The following SH3RF2 variants were observed in gnomAD, a reference collection of about 807,000 sequenced individuals.
SH3RF2 encodes SH3 domain containing ring finger 2, also known as E3 ubiquitin-protein ligase SH3RF2.
In SH3RF2, 43 loss-of-function variants were observed where a neutral mutation model predicts 59.0. The observed-to-expected ratio is 0.73, with a 90% CI of 0.57 to 0.94. The LOEUF (loss-of-function observed/expected upper bound fraction) is 0.94, where lower values mean the gene tolerates loss of function less well. SH3RF2 is among the 40% of genes least tolerant of loss of function. The pLI is 0.00. For synonymous variants in SH3RF2, 391 were observed against 391.5 expected (o/e 1.00, Z 0.01); for missense variants, 930 against 940.1 (o/e 0.99, Z 0.14).
intron 1 of SH3RF2, 25 bp from the exon 2 acceptor site, chr5:145,937,798 T>C (rs1037649290): frequency 7.5e-5 from 80 of 1,070,018 alleles, no homozygotes; most frequent in South Asian, 5.9e-4. Flanking sequence ...CATTTTTTTT[T>C]CTCTCCTCTC....
At chr5:145,938,714 C>T (rs1757696462) in intron 2 of SH3RF2, among the ~76,000 whole-genome samples, 1 of 152,226 alleles carries the variant, frequency 6.6e-6, no homozygotes, top group Admixed American at 6.5e-5. Context: ...TCAGAAATTT[C>T]CAAATGTCAG....
intron 5 of SH3RF2, among the ~76,000 whole-genome samples, chr5:146,047,053 G>A (rs892047629): frequency 2.0e-5 from 3 of 152,044 alleles, no homozygotes; most frequent in Non-Finnish European, 2.9e-5. Flanking sequence ...CACTGAGCCC[G>A]GCCTTCCAGG....
At chr5:145,943,703 T>A (rs1322384022) in intron 2 of SH3RF2, among the ~76,000 whole-genome samples, 1 of 151,784 alleles carries the variant, frequency 6.6e-6, no homozygotes, top group East Asian at 1.9e-4. Context: ...TTTTTGTTTT[T>A]GTTTTTGTTT....
intron 2 of SH3RF2, among the ~76,000 whole-genome samples, chr5:145,988,356 A>G (rs2149974830): frequency 6.6e-6 from 1 of 151,770 alleles, no homozygotes; most frequent in East Asian, 1.9e-4. Context: ...AATCTCTCTG[A>G]TCAGCCAAAA....
At chr5:146,059,471 T>C (rs1176255730) in intron 8 of SH3RF2, among the ~76,000 whole-genome samples, 1 of 152,172 alleles carries the variant, frequency 6.6e-6, no homozygotes, top group Non-Finnish European at 1.5e-5. Flanking sequence ...TTCTATTTCC[T>C]ATCTCTGATT....
chr5:145,952,961 A>G (rs1191043754), intron 2 of SH3RF2, among the ~76,000 whole-genome samples: 1 of 152,192 alleles, frequency 6.6e-6, no homozygotes, highest in Non-Finnish European at 1.5e-5. Context: ...TCATTGGTTA[A>G]GAGCTGCCCC....
intron 5 of SH3RF2, among the ~76,000 whole-genome samples, chr5:146,030,156 A>C (rs1366770002): frequency 3.3e-5 from 5 of 152,178 alleles, no homozygotes; most frequent in Non-Finnish European, 7.3e-5. Flanking sequence ...CAAGCTGCCT[A>C]ACTGAGCCCT....
chr5:145,989,789 T>C (rs746160117), intron 2 of SH3RF2, among the ~76,000 whole-genome samples: 29 of 149,114 alleles, frequency 1.9e-4, no homozygotes, highest in Non-Finnish European at 4.3e-4. Flanking sequence ...GGTTGAGTTC[T>C]CATCTCAGCT....
Position 146,013,798 on chromosome 5 carries a change from T to A in SH3RF2, c.796T>A (p.Ser266Thr). The change falls in exon 5 of 10, where the codon TCC (serine) becomes ACC (threonine). Residue 266 changes from serine to threonine, a missense_variant. Ser to Thr is a moderately conservative substitution (Grantham distance 58). Coordinates refer to ENST00000359120, the MANE Select transcript of SH3RF2 (RefSeq NM_152550.4). ...AGAGAAGAACAAAGGTCGCCAGTCA[T>A]CCCGCACAAAAAACCTGTCCCTGGT... ...LLEKNKGRQS[S>T]RTKNLSLVSS... is the part of the protein sequence containing the mutation. The A allele has an allele frequency of 6.2e-7, 1 of 1,614,070 alleles. No homozygotes were observed. The highest frequency in any genetic ancestry group is 8.5e-7 in the Non-Finnish European group (1 of 1,179,984).
At chr5:146,001,083 A>G (rs1760389574) in intron 3 of SH3RF2, among the ~76,000 whole-genome samples, 1 of 152,216 alleles carries the variant, frequency 6.6e-6, no homozygotes, top group African/African-American at 2.4e-5. Flanking sequence ...CTCTTACAAG[A>G]TATATTTTTC....
chr5:146,034,989 T>C (rs752800141), intron 5 of SH3RF2, among the ~76,000 whole-genome samples: 101 of 151,880 alleles, frequency 6.6e-4, no homozygotes, highest in Admixed American at 1.1e-3. Flanking sequence ...CCCTGTAATC[T>C]CGGCTACTCA....
At chr5:146,063,537 G>A (rs1331991233), downstream of SH3RF2, among the ~76,000 whole-genome samples, 1 of 152,202 alleles carries the variant, frequency 6.6e-6, no homozygotes. Context: ...TATGGGGTTA[G>A]GGTTTAGATA....
intron 5 of SH3RF2, among the ~76,000 whole-genome samples, chr5:146,042,820 A>G (rs1230448048): frequency 1.3e-5 from 2 of 152,136 alleles, no homozygotes; most frequent in African/African-American, 4.8e-5. Flanking sequence ...AAAGGGAGGG[A>G]AAAAAATGTG....
chr5:145,941,547 C>A (rs1447086933), intron 2 of SH3RF2, among the ~76,000 whole-genome samples: 1 of 152,180 alleles, frequency 6.6e-6, no homozygotes, highest in Non-Finnish European at 1.5e-5. Context: ...AGGAACTTGG[C>A]AAGCCTTCAA....
intron 2 of SH3RF2, among the ~76,000 whole-genome samples, chr5:145,995,594 A>G (rs1400748238): frequency 6.6e-6 from 1 of 152,172 alleles, no homozygotes; most frequent in Non-Finnish European, 1.5e-5. Flanking sequence ...CACCAACTTC[A>G]TTCATTTTCT....
intron 2 of SH3RF2, among the ~76,000 whole-genome samples, chr5:145,981,393 C>A (rs759199752): frequency 2.0e-5 from 3 of 152,198 alleles, no homozygotes; most frequent in Non-Finnish European, 4.4e-5. Flanking sequence ...GCCACTGCAC[C>A]CAGACAGTCT....
intron 9 of SH3RF2, among the ~76,000 whole-genome samples, chr5:146,077,273 G>A (rs1491004233): frequency 6.6e-6 from 1 of 152,214 alleles, no homozygotes; most frequent in African/African-American, 2.4e-5. Context: ...GGAGGCAAGA[G>A]ATTGGCCAGG....
chr5:145,998,804 G>A lies in SH3RF2; in HGVS notation c.379-1254G>A, dbSNP rs571261836. Among the ~76,000 whole-genome samples the A allele has an allele frequency of 7.2e-5, 11 of 152,162 alleles. No homozygotes were observed. The East Asian group carries it at 9.7e-4, about 13-fold the overall frequency. On this transcript the variant is annotated intron_variant, in intron 2 of 9. Transcript: ENST00000359120. ...TGTGCGCCTGTAATCCCAGCTAGTC[G>A]GGAGGCTGAGGCAGGAGAATCACTT...
chr5:145,937,750 G>C, intron 1 of SH3RF2, 73 bp from the exon 2 acceptor site: 1 of 692,688 alleles, frequency 1.4e-6, no homozygotes, highest in Non-Finnish European at 2.4e-6. Context: ...ATGAGACACT[G>C]CCTCAATGTA....
Sources: gnomAD v4.1 joint callset for allele counts (sites outside exome capture counted in the v4.1 genomes callset) on GRCh38, gnomAD v4.1.1 for gene constraint, MANE v1.5 for transcripts, NCBI Gene and HGNC (gene_info 2026-07-23, HGNC 2026-07-21) for gene names.